Variants in RORB observed in about 807,000 individuals in gnomAD.
The protein encoded by RORB is nuclear receptor ROR-beta.
RORB carries 6 observed loss-of-function variants against 59.1 expected under a neutral mutation model. That is an observed-to-expected ratio of 0.10 (90% confidence interval 0.06 to 0.20). The LOEUF is 0.20. RORB is among the 10% of genes least tolerant of loss of function. The pLI, the probability that RORB is intolerant of heterozygous loss-of-function variation, is 1.00. For synonymous variants in RORB, 215 were observed against 204.5 expected, an observed-to-expected ratio of 1.05 and a Z score of -0.44; for missense variants, 320 against 560.5, an observed-to-expected ratio of 0.57 and a Z score of 4.33.
At chr9:74,602,755 GA>G (rs1823087516) in intron 1 of RORB, among the ~76,000 whole-genome samples, 1 of 152,122 alleles carries the variant, frequency 6.6e-6, no homozygotes, top group Non-Finnish European at 1.5e-5. Context: ...GCTCTGTAGA[GA>G]AATTTTTCAC....
intron 1 of RORB, among the ~76,000 whole-genome samples, chr9:74,559,762 T>C (rs1425866048): frequency 6.6e-6 from 1 of 152,120 alleles, no homozygotes; most frequent in Non-Finnish European, 1.5e-5. Context: ...AATATTGAAA[T>C]ATTCATAACC....
intron 1 of RORB, among the ~76,000 whole-genome samples, chr9:74,502,875 T>G (rs1200404689): frequency 6.6e-6 from 1 of 152,022 alleles, no homozygotes; most frequent in East Asian, 1.9e-4. Flanking sequence ...TATTAGTGAT[T>G]GAGGTGACAT....
At chr9:74,615,083 G>A (rs1443038241) in intron 1 of RORB, among the ~76,000 whole-genome samples, 1 of 152,132 alleles carries the variant, frequency 6.6e-6, no homozygotes, top group African/African-American at 2.4e-5. Flanking sequence ...ATAGACAACT[G>A]TAATCCAATA....
At chr9:74,542,670 C>T (rs1385767544) in intron 1 of RORB, among the ~76,000 whole-genome samples, 2 of 152,182 alleles carry the variant, frequency 1.3e-5, no homozygotes, top group African/African-American at 2.4e-5. Context: ...CATCCCTTTC[C>T]TGCTTATCCA....
chr9:74,683,563 C>T (rs2118578951), intron 9 of RORB, among the ~76,000 whole-genome samples: 1 of 152,236 alleles, frequency 6.6e-6, no homozygotes. Flanking sequence ...TCTGAACTGC[C>T]TTCAGTTCTT....
intron 1 of RORB, chr9:74,615,527 C>T (rs1216970526): frequency 7.2e-6 from 3 of 415,872 alleles, no homozygotes; most frequent in Non-Finnish European, 1.5e-5. Flanking sequence ...TGGGTTAACG[C>T]AGGGGCAGTC....
intron 6 of RORB, among the ~76,000 whole-genome samples, chr9:74,665,239 A>G (rs1301188995): frequency 6.6e-6 from 1 of 152,172 alleles, no homozygotes; most frequent in African/African-American, 2.4e-5. Context: ...ATTGGTGCAA[A>G]TATATTAGGT....
intron 9 of RORB, among the ~76,000 whole-genome samples, chr9:74,677,605 G>T (rs1490011644): frequency 6.6e-6 from 1 of 152,136 alleles, no homozygotes; most frequent in African/African-American, 2.4e-5. Flanking sequence ...CTGAGGTTCA[G>T]ACGAGAGGGA....
intron 1 of RORB, among the ~76,000 whole-genome samples, chr9:74,522,908 T>A (rs1480508157): frequency 6.6e-6 from 1 of 151,846 alleles, no homozygotes; most frequent in African/African-American, 2.4e-5. Context: ...CCTCTTTTCT[T>A]ACTTCTAGTT....
At chr9:74,528,691 C>T (rs886500723) in intron 1 of RORB, among the ~76,000 whole-genome samples, 1 of 151,902 alleles carries the variant, frequency 6.6e-6, no homozygotes, top group Non-Finnish European at 1.5e-5. Flanking sequence ...TTATTTTCTT[C>T]TTCTTTTGTA....
At chr9:74,625,808 C>A (rs1823502492) in intron 1 of RORB, among the ~76,000 whole-genome samples, 1 of 152,090 alleles carries the variant, frequency 6.6e-6, no homozygotes, top group Non-Finnish European at 1.5e-5. Flanking sequence ...ATAGGAATGG[C>A]CAAGTTGAAT....
chr9:74,588,503 T>C (rs941933748), intron 1 of RORB, among the ~76,000 whole-genome samples: 1 of 152,206 alleles, frequency 6.6e-6, no homozygotes, highest in Non-Finnish European at 1.5e-5. Flanking sequence ...CCAAAGCTAT[T>C]GATGGAAATA....
intron 1 of RORB, among the ~76,000 whole-genome samples, chr9:74,517,096 T>C (rs1468114543): frequency 6.6e-6 from 1 of 151,860 alleles, no homozygotes; most frequent in African/African-American, 2.4e-5. Context: ...GTCTTTCCTC[T>C]CCCTCCCACT....
chr9:74,565,193 G>A (rs933562279), intron 1 of RORB, among the ~76,000 whole-genome samples: 12 of 152,166 alleles, frequency 7.9e-5, no homozygotes, highest in Admixed American at 2.0e-4. Flanking sequence ...ATAACTCTGA[G>A]CTAAAAACAC....
At chr9:74,545,276 A>G (rs1337516605) in intron 1 of RORB, among the ~76,000 whole-genome samples, 1 of 152,056 alleles carries the variant, frequency 6.6e-6, no homozygotes, top group Admixed American at 6.6e-5. Flanking sequence ...TGTTTAACCC[A>G]GGGTTATTTC....
At chr9:74,667,673 CT>C (rs1824288760) in intron 7 of RORB, 117 bp from the exon 8 acceptor site, 1 of 589,004 alleles carries the variant, frequency 1.7e-6, no homozygotes, top group Middle Eastern at 4.0e-4. Context: ...AAAAAAATAT[CT>C]TTTCTAGAAG....
At chr9:74,680,657 A>T (rs1824532577) in intron 9 of RORB, among the ~76,000 whole-genome samples, 2 of 152,226 alleles carry the variant, frequency 1.3e-5, no homozygotes, top group African/African-American at 4.8e-5. Context: ...GACTCAACAG[A>T]AACCAAAAAC....
At chr9:74,517,233 T>C (rs1177114416) in intron 1 of RORB, among the ~76,000 whole-genome samples, 12 of 152,022 alleles carry the variant, frequency 7.9e-5, no homozygotes, top group Non-Finnish European at 1.5e-4. Context: ...TTTCTTAAAA[T>C]GAATCAATGT....
chr9:74,511,210 T>C (rs1825933278), intron 1 of RORB, among the ~76,000 whole-genome samples: 1 of 152,122 alleles, frequency 6.6e-6, no homozygotes, highest in Admixed American at 6.6e-5. Context: ...AATCTCTACA[T>C]GTACTTAATC....
Sources: allele counts gnomAD v4.1 joint callset (sites outside exome capture counted in the v4.1 genomes callset), GRCh38; gene constraint gnomAD v4.1.1; transcripts MANE v1.5; gene names NCBI Gene and HGNC (gene_info 2026-07-23, HGNC 2026-07-21).